The following SOX6 variants were observed in gnomAD, a reference collection of about 807,000 sequenced individuals.
SOX6 encodes transcription factor SOX-6.
In SOX6, 11 loss-of-function variants were observed where a neutral mutation model predicts 97.8. That is an observed-to-expected ratio of 0.11 (90% confidence interval 0.07 to 0.19). SOX6 has a LOEUF of 0.19. SOX6 is among the 10% of genes least tolerant of loss of function. The probability of loss-of-function intolerance (pLI) is 1.00; values close to 1 mark genes in which losing one functional copy is unlikely to be tolerated. For missense variants in SOX6, 810 were observed against 1,039.5 expected (o/e 0.78, Z 3.04); for synonymous variants, 360 against 371.4 (o/e 0.97, Z 0.35).
At chr11:16,243,743 G>C (rs754700469) in intron 3 of SOX6, among the ~76,000 whole-genome samples, 52 of 151,778 alleles carry the variant, frequency 3.4e-4, no homozygotes, top group Non-Finnish European at 3.4e-4. Flanking sequence ...GCCTATTCTT[G>C]AATTTCATAA....
intron 11 of SOX6, among the ~76,000 whole-genome samples, chr11:16,048,476 G>A (rs1398189610): frequency 6.6e-6 from 1 of 152,136 alleles, no homozygotes; most frequent in Admixed American, 6.6e-5. Context: ...GAACACTTGA[G>A]TAACATGTGA....
intron 1 of SOX6, among the ~76,000 whole-genome samples, chr11:16,343,910 C>T (rs1344404787): frequency 6.6e-6 from 1 of 151,712 alleles, no homozygotes; most frequent in African/African-American, 2.4e-5. Flanking sequence ...ACACAAGCTG[C>T]CAAAAAAAGC....
chr11:16,674,125 G>C (rs934091435), intron 3 of SOX6, among the ~76,000 whole-genome samples: 7 of 140,902 alleles, frequency 5.0e-5, no homozygotes, highest in Non-Finnish European at 9.0e-5. Context: ...AGGAGGTGGA[G>C]CTTGCAGTGA....
chr11:16,144,868 A>C (rs1172516904), intron 6 of SOX6, among the ~76,000 whole-genome samples: 5 of 152,234 alleles, frequency 3.3e-5, no homozygotes, highest in Non-Finnish European at 7.3e-5. Context: ...ATAGCCTACC[A>C]ATCAAAAAAA....
At position 16,416,801 on chromosome 11, in the gene SOX6, T is replaced by G. The variant is rs1408838208; in HGVS notation, c.-5+59514A>C. On this transcript the variant is annotated intron_variant, in intron 1 of 15. Transcript: ENST00000396356. ...AGGTATTTTTCCACTTTGGGGACTA[T>G]GAAATCTTGACAGAATATCACAATA... 2.6e-5 allele frequency among the ~76,000 whole-genome samples: 4 copies of G among 152,356 alleles called. No homozygotes were observed. The South Asian group carries it at 8.3e-4, about 32-fold the overall frequency.
intron 3 of SOX6, among the ~76,000 whole-genome samples, chr11:16,689,929 CTT>C (rs773781348): frequency 6.6e-5 from 9 of 136,062 alleles, no homozygotes; most frequent in East Asian, 2.1e-4. Flanking sequence ...TGTCCCATGG[CTT>C]TTTTTTTTTT....
chr11:16,423,266 G>A (rs1041319916), intron 1 of SOX6, among the ~76,000 whole-genome samples: 5 of 152,070 alleles, frequency 3.3e-5, no homozygotes, highest in Admixed American at 2.6e-4. Flanking sequence ...TACTTTGCAT[G>A]ACCTGCTCTC....
At chr11:16,309,526 A>C (rs1855535996) in intron 3 of SOX6, among the ~76,000 whole-genome samples, 1 of 152,206 alleles carries the variant, frequency 6.6e-6, no homozygotes, top group South Asian at 2.1e-4. Flanking sequence ...AATGATTAAC[A>C]AAGTTCTGGC....
At chr11:16,214,221 T>C (rs1270356250) in intron 4 of SOX6, among the ~76,000 whole-genome samples, 1 of 152,180 alleles carries the variant, frequency 6.6e-6, no homozygotes, top group East Asian at 1.9e-4. Context: ...TAGAATAGTC[T>C]AGAAAATTTT....
At chr11:16,412,975 T>A (rs971838500) in intron 1 of SOX6, among the ~76,000 whole-genome samples, 1 of 152,088 alleles carries the variant, frequency 6.6e-6, no homozygotes, top group African/African-American at 2.4e-5. Context: ...CAGTTCCACC[T>A]CAACCACAGG....
intron 13 of SOX6, among the ~76,000 whole-genome samples, chr11:15,998,549 T>A (rs1854302165): frequency 6.6e-6 from 1 of 151,920 alleles, no homozygotes. Context: ...TCCTCAAAGT[T>A]TTTTCATATA....
At chr11:16,688,407 G>C (rs1847984954) in intron 3 of SOX6, among the ~76,000 whole-genome samples, 1 of 152,032 alleles carries the variant, frequency 6.6e-6, no homozygotes, top group African/African-American at 2.4e-5. Context: ...TTACACACAT[G>C]CTAGGCTAAT....
chr11:16,665,702 TAGGC>T (rs1203764240), intron 3 of SOX6, among the ~76,000 whole-genome samples: 1 of 152,134 alleles, frequency 6.6e-6, no homozygotes, highest in Non-Finnish European at 1.5e-5. Context: ...ACATAGGCAA[TAGGC>T]AGGCAGTGGT....
At chr11:16,031,326 T>C (rs1233635331) in intron 12 of SOX6, 1 of 152,248 alleles carries the variant, frequency 6.6e-6, no homozygotes, top group Non-Finnish European at 1.5e-5. Flanking sequence ...AATTTAACTT[T>C]CTGAAGCTAT....
At chr11:16,567,910 G>A (rs1811444237) in intron 4 of SOX6, among the ~76,000 whole-genome samples, 1 of 150,852 alleles carries the variant, frequency 6.6e-6, no homozygotes, top group Non-Finnish European at 1.5e-5. Flanking sequence ...GAACTTATGT[G>A]TGAATAAGTA....
intron 13 of SOX6, among the ~76,000 whole-genome samples, chr11:15,991,454 A>T (rs1258903815): frequency 6.6e-6 from 1 of 152,218 alleles, no homozygotes. Context: ...GAGGATCACC[A>T]TGGTAATTTA....
At chr11:16,250,202 A>G (rs1007064708) in intron 3 of SOX6, among the ~76,000 whole-genome samples, 2 of 152,148 alleles carry the variant, frequency 1.3e-5, no homozygotes, top group Non-Finnish European at 2.9e-5. Flanking sequence ...GGTACATGCA[A>G]GAGATCTATA....
chr11:16,164,017 C>T lies in SOX6; in HGVS notation c.777+19869G>A, dbSNP rs896637336. On this transcript the variant is annotated intron_variant, in intron 6 of 15. Transcript: ENST00000683767. ...TTGTTTTGTTTTTGAGGCAAGGTCT[C>T]GCTCTGTCACCCAGTTTGGAGAGCT... 3.9e-5 allele frequency among the ~76,000 whole-genome samples: 6 copies of T among 152,134 alleles called. No homozygotes were observed. The South Asian group carries it at 8.3e-4, about 21-fold the overall frequency.
intron 12 of SOX6, among the ~76,000 whole-genome samples, chr11:16,019,094 T>G (rs553416825): frequency 4.5e-4 from 69 of 152,164 alleles, no homozygotes; most frequent in Non-Finnish European, 7.9e-4. Flanking sequence ...ATTGCAGCCA[T>G]CTCCTGAAAA....
Sources: gnomAD v4.1 joint callset for allele counts (sites outside exome capture counted in the v4.1 genomes callset) on GRCh38, gnomAD v4.1.1 for gene constraint, MANE v1.5 for transcripts, NCBI Gene and HGNC (gene_info 2026-07-23, HGNC 2026-07-21) for gene names.